The following ARHGAP22 variants were observed in gnomAD, a reference collection of about 807,000 sequenced individuals.
ARHGAP22 encodes the protein rho GTPase-activating protein 22.
ARHGAP22 carries 48 observed loss-of-function variants against 59.1 expected under a neutral mutation model. The ratio of observed to expected loss-of-function variants is 0.81; its 90% CI spans 0.64 to 1.03. The LOEUF (loss-of-function observed/expected upper bound fraction) is 1.03, where lower values mean the gene tolerates loss of function less well. Among genes scored for constraint, ARHGAP22 ranks in the 50% least tolerant of loss-of-function variants. The pLI, the probability that ARHGAP22 is intolerant of heterozygous loss-of-function variation, is 0.00. For missense variants in ARHGAP22, 1,015 were observed against 958.7 expected (o/e 1.06, Z -0.78); for synonymous variants, 445 against 416.4 (o/e 1.07, Z -0.84).
chr10:48,551,735 T>G (rs2056909702), intron 3 of ARHGAP22, among the ~76,000 whole-genome samples: 1 of 151,994 alleles, frequency 6.6e-6, no homozygotes, highest in South Asian at 2.1e-4. Context: ...CTTATAAGAG[T>G]GTTTTCTCTG....
At chr10:48,639,951 G>A (rs1174074609) in intron 1 of ARHGAP22, among the ~76,000 whole-genome samples, 2 of 151,998 alleles carry the variant, frequency 1.3e-5, no homozygotes, top group Non-Finnish European at 2.9e-5. Flanking sequence ...AAAACTTAAA[G>A]AAACATGATT....
intron 9 of ARHGAP22, among the ~76,000 whole-genome samples, 188 bp downstream of exon 9, chr10:48,450,073 C>T (rs143928304): frequency 1.3e-5 from 2 of 149,014 alleles, no homozygotes; most frequent in African/African-American, 2.6e-5. Context: ...AGACTGACTG[C>T]GTGCCAGACT....
At chr10:48,451,690 A>G (rs923328005) in intron 8 of ARHGAP22, 5 of 580,952 alleles carry the variant, frequency 8.6e-6, no homozygotes, top group Non-Finnish European at 1.2e-5. Context: ...CACACGTACA[A>G]TGCACCCCAT....
At chr10:48,511,836 A>G (rs2052799095) in intron 3 of ARHGAP22, among the ~76,000 whole-genome samples, 1 of 152,346 alleles carries the variant, frequency 6.6e-6, no homozygotes, top group East Asian at 1.9e-4. Context: ...GCTTGTCAAG[A>G]TGAGCACTGA....
At position 48,472,977 on chromosome 10, in the gene ARHGAP22, G is replaced by T. The variant is rs867735824; in HGVS notation, c.451+6659C>A. Among the ~76,000 whole-genome samples the T allele has an allele frequency of 1.4e-4, 21 of 152,308 alleles. No homozygotes were observed. The Middle Eastern group carries it at 0.01, about 74-fold the overall frequency. On this transcript the variant is annotated intron_variant, in intron 4 of 9. Transcript: ENST00000249601. ...AAAAATAGAATTACCATATGATCTA[G>T]CAATCCCACTTCTGGGTATATACCC...
chr10:48,628,443 C>T (rs531863382), intron 1 of ARHGAP22, among the ~76,000 whole-genome samples: 1 of 152,218 alleles, frequency 6.6e-6, no homozygotes, highest in Non-Finnish European at 1.5e-5. Context: ...GCTAAGTCTG[C>T]TGGGTTGAGT....
At position 48,451,052 on chromosome 10, in the gene ARHGAP22, G is replaced by A. The variant is rs1301237319; in HGVS notation, c.1077C>T (p.Ser359=). Residue 359 remains serine, a synonymous_variant, in exon 9 of 10, where the codon TCC becomes TCT. Transcript: ENST00000249601. ...FTAPVPEGPT[S]PRGGLQCAVG... Reference sequence around the variant, plus strand: ...CTGCGCATTGCAGGCCCCCGCGCGGGGAGGTGGGCCCTTCCGGGACCGGTG... The same window carrying A: ...CTGCGCATTGCAGGCCCCCGCGCGGAGAGGTGGGCCCTTCCGGGACCGGTG... 1.3e-6 allele frequency: 2 copies of A among 1,552,542 alleles called. No individual in the cohort carries two copies. Among genetic ancestry groups the A allele is most frequent in the South Asian group, 1.2e-5 (1 of 84,162 alleles).
chr10:48,445,316 G>A (rs894030953), downstream of ARHGAP22: 2 of 152,296 alleles, frequency 1.3e-5, no homozygotes, highest in African/African-American at 4.8e-5. Flanking sequence ...TACTGCTCAG[G>A]GGCAGCAAGG....
intron 3 of ARHGAP22, chr10:48,524,192 G>T (rs2054104425): frequency 2.1e-6 from 2 of 961,946 alleles, no homozygotes; most frequent in Non-Finnish European, 2.5e-6. Context: ...CGGCCCACGG[G>T]CAGTGCCCAG....
chr10:48,462,553 C>T (rs961483348), intron 4 of ARHGAP22, among the ~76,000 whole-genome samples: 3 of 152,238 alleles, frequency 2.0e-5, no homozygotes, highest in African/African-American at 7.2e-5. Flanking sequence ...GGAATGTACT[C>T]AGCCACATGG....
At chr10:48,522,643 C>T (rs183445816) in intron 3 of ARHGAP22, among the ~76,000 whole-genome samples, 2 of 152,234 alleles carry the variant, frequency 1.3e-5, no homozygotes, top group African/African-American at 2.4e-5. Context: ...GCAGCAAGAC[C>T]TTGCCCTCTA....
chr10:48,490,674 T>C (rs772957385), intron 3 of ARHGAP22, among the ~76,000 whole-genome samples: 24 of 152,202 alleles, frequency 1.6e-4, no homozygotes, highest in Non-Finnish European at 2.9e-4. Context: ...GGGAGCCCCC[T>C]GGACTCTTCC....
intron 3 of ARHGAP22, among the ~76,000 whole-genome samples, chr10:48,484,917 CTTCA>C (rs747154040): frequency 4.6e-5 from 7 of 152,186 alleles, no homozygotes; most frequent in Non-Finnish European, 8.8e-5. Context: ...CAGCCTTTTG[CTTCA>C]TTGACTTTTT....
chr10:48,480,948 T>C (rs2049245668), intron 3 of ARHGAP22, among the ~76,000 whole-genome samples: 2 of 151,924 alleles, frequency 1.3e-5, no homozygotes, highest in Admixed American at 6.5e-5. Flanking sequence ...AGGCAGAGGG[T>C]GGGGCTGTGT....
chr10:48,645,908 C>T (rs897607246), intron 1 of ARHGAP22, among the ~76,000 whole-genome samples: 1 of 152,118 alleles, frequency 6.6e-6, no homozygotes, highest in African/African-American at 2.4e-5. Flanking sequence ...AGAAGAAAAT[C>T]TGTCTTTATT....
chr10:48,492,678 C>T (rs979312649), intron 3 of ARHGAP22, among the ~76,000 whole-genome samples: 3 of 151,978 alleles, frequency 2.0e-5, no homozygotes, highest in Non-Finnish European at 2.9e-5. Context: ...CTCAGCCTCC[C>T]GAGTAGCTGG....
rs573822389 is a variant in ARHGAP22, at chr10:48,548,834, C to T, written c.322+6629G>A. On this transcript the variant is annotated intron_variant, in intron 3 of 9. Coordinates refer to ENST00000249601, the MANE Select transcript of ARHGAP22 (RefSeq NM_021226.4). ...GGGCAGGACCTGGGGGTCCTTGAGT[C>T]TCAGTCCCTTTGTGGGGCCTGGCTC... 5.4e-4 allele frequency among the ~76,000 whole-genome samples: 82 copies of T among 152,368 alleles called. 1 individual carries two copies. The South Asian group carries it at 0.017, about 31-fold the overall frequency.
intron 8 of ARHGAP22, 191 bp from the exon 9 acceptor site, chr10:48,451,331 A>T: frequency 1.2e-6 from 1 of 814,954 alleles, no homozygotes; most frequent in Non-Finnish European, 2.1e-6. Flanking sequence ...GGACAGCAGG[A>T]TGGGGCCGCA....
At chr10:48,477,686 C>A (rs769452092) in intron 4 of ARHGAP22, among the ~76,000 whole-genome samples, 1 of 152,200 alleles carries the variant, frequency 6.6e-6, no homozygotes, top group African/African-American at 2.4e-5. Flanking sequence ...TGGGTGCATA[C>A]AAGTATCCCA....
Sources: allele counts gnomAD v4.1 joint callset (sites outside exome capture counted in the v4.1 genomes callset), GRCh38; gene constraint gnomAD v4.1.1; transcripts MANE v1.5; gene names NCBI Gene and HGNC (gene_info 2026-07-23, HGNC 2026-07-21).